The following FAM174A variants were observed in gnomAD, a reference collection of about 807,000 sequenced individuals.
FAM174A encodes the protein family with sequence similarity 174 member A.
Under a neutral mutation model 14.3 loss-of-function variants are expected in FAM174A, and 14 were observed. That is an observed-to-expected ratio of 0.98 (90% CI 0.65 to 1.53). The LOEUF is 1.53. FAM174A is among the 40% of genes most tolerant of loss of function. The pLI, the probability that FAM174A is intolerant of heterozygous loss-of-function variation, is 0.00. For missense variants in FAM174A, 241 were observed against 249.6 expected (o/e 0.97, Z 0.23); for synonymous variants, 108 against 111.4 (o/e 0.97, Z 0.19).
Position 100,565,330 on chromosome 5 carries a change from A to G in FAM174A, c.569+3142A>G, listed in dbSNP as rs1051858315. The stretch of plus-strand genomic sequence containing the variant: ...CACATAGACAAATGAGGTTGCATCA[A>G]ACTAAAATGCTTCTGCACAGCCAAG... On this transcript the variant is annotated intron_variant, in intron 2 of 2. Coordinates refer to ENST00000312637, the MANE Select transcript of FAM174A (RefSeq NM_198507.3). Among the ~76,000 whole-genome samples the G allele has an allele frequency of 2.0e-5, 3 of 152,066 alleles. No individual in the cohort carries two copies. In the East Asian group the frequency reaches 5.8e-4, roughly 29 times the overall value.
chr5:100,559,300 G>C (rs1391136901), intron 1 of FAM174A, among the ~76,000 whole-genome samples: 1 of 152,138 alleles, frequency 6.6e-6, no homozygotes, highest in Non-Finnish European at 1.5e-5. Flanking sequence ...TTTCTGCCAA[G>C]AGATCAGCTG....
intron 2 of FAM174A, among the ~76,000 whole-genome samples, chr5:100,578,102 G>A (rs1746937609): frequency 6.6e-6 from 1 of 152,110 alleles, no homozygotes; most frequent in Non-Finnish European, 1.5e-5. Flanking sequence ...TATAACCAGA[G>A]TAGCATTTTT....
chr5:100,574,719 AG>A (rs1462632599), intron 2 of FAM174A, among the ~76,000 whole-genome samples: 2 of 151,532 alleles, frequency 1.3e-5, no homozygotes, highest in Non-Finnish European at 2.9e-5. Flanking sequence ...ACCAGGGAGG[AG>A]GGGGCGGGGA....
intron 1 of FAM174A, among the ~76,000 whole-genome samples, chr5:100,543,733 G>A (rs994888803): frequency 6.6e-6 from 1 of 151,994 alleles, no homozygotes; most frequent in Non-Finnish European, 1.5e-5. Flanking sequence ...TGGGACTACC[G>A]GCCATCATTT....
chr5:100,586,242 T>C lies in FAM174A; in HGVS notation c.*58T>C. ...TCTACAATGAAGAGTGGAATTTCTATGTTTAAGGAATAAGAAGCCACTATA... is the reference window on the plus strand; with the variant it reads ...TCTACAATGAAGAGTGGAATTTCTACGTTTAAGGAATAAGAAGCCACTATA... On this transcript the variant is annotated 3_prime_UTR_variant, in exon 3 of 3. Coordinates refer to ENST00000312637, the MANE Select transcript of FAM174A (RefSeq NM_198507.3). The C allele has an allele frequency of 7.8e-7, 1 of 1,277,432 alleles. No homozygotes were observed. Among genetic ancestry groups the C allele is most frequent in the Non-Finnish European group, 1.1e-6 (1 of 913,050 alleles). The allele number at this position is 1,277,432 out of a possible 1,614,324, so 79.1% of individuals were successfully genotyped here.
At position 100,535,731 on chromosome 5, in the gene FAM174A, C is replaced by T. The variant is rs375162382; in HGVS notation, c.201C>T (p.Gly67=). ...GCCCTACCCCTGCCCAGCAGCCGGG[C>T]CGTGGTCTGGCTGAAGCTGCGGGGC... The part of the protein sequence containing the change: ...PPGPTPAQQP[G]RGLAEAAGPR... Residue 67 remains glycine, a synonymous_variant, in exon 1 of 3, where the codon GGC becomes GGT. Coordinates refer to ENST00000312637, the MANE Select transcript of FAM174A (RefSeq NM_198507.3). 73 of 1,604,646 alleles carry T rather than the reference C, an allele frequency of 4.5e-5. No individual in the cohort carries two copies. Among genetic ancestry groups the T allele is most frequent in the Non-Finnish European group, 6.0e-5 (71 of 1,177,144 alleles).
intron 2 of FAM174A, among the ~76,000 whole-genome samples, chr5:100,579,240 A>T (rs1746959265): frequency 6.6e-6 from 1 of 152,188 alleles, no homozygotes; most frequent in African/African-American, 2.4e-5. Flanking sequence ...TTGTCAATTC[A>T]GGATGTAAAT....
Position 100,535,460 on chromosome 5 carries a change from C to G in FAM174A, c.-71C>G. 6.5e-7 allele frequency: 1 copy of G among 1,547,834 alleles called. No individual in the cohort carries two copies. Among genetic ancestry groups the G allele is most frequent in the Non-Finnish European group, 8.8e-7 (1 of 1,131,782 alleles). On this transcript the variant is annotated 5_prime_UTR_variant, in exon 1 of 3. Coordinates refer to ENST00000312637, the MANE Select transcript of FAM174A (RefSeq NM_198507.3). The stretch of plus-strand genomic sequence containing the variant: ...ACCTCTGCTTCATTCTCCACCGCGC[C>G]TATGGTCCCTCTTGGAGCCAGCGTG...
intron 2 of FAM174A, among the ~76,000 whole-genome samples, chr5:100,563,314 C>G (rs1746566669): frequency 6.6e-6 from 1 of 151,356 alleles, no homozygotes; most frequent in South Asian, 2.1e-4. Context: ...ACTGATATTC[C>G]ATGCAAATGG....
intron 1 of FAM174A, among the ~76,000 whole-genome samples, chr5:100,557,996 C>A (rs1488258228): frequency 1.3e-5 from 2 of 152,106 alleles, no homozygotes; most frequent in African/African-American, 4.8e-5. Flanking sequence ...AATGTGTTTA[C>A]TCTTGCTTCT....
In FAM174A at chr5:100,535,736, G is replaced by A. The variant is rs779426117; in HGVS notation, c.206G>A (p.Gly69Asp). Residue 69 changes from glycine (G) to aspartate (D), a missense_variant, in exon 1 of 3, where the codon GGT (glycine) becomes GAT (aspartate). Transcript: ENST00000312637. ...ACCCCTGCCCAGCAGCCGGGCCGTG[G>A]TCTGGCTGAAGCTGCGGGGCCGCGG... ...GPTPAQQPGR[G>D]LAEAAGPRGS... 6 of 1,604,656 alleles carry A rather than the reference G, an allele frequency of 3.7e-6. No individual in the cohort carries two copies. Among genetic ancestry groups the A allele is most frequent in the East Asian group, 2.2e-5 (1 of 44,770 alleles).
chr5:100,566,141 G>GATAGATATATAT (rs558236562), intron 2 of FAM174A, among the ~76,000 whole-genome samples: 1,264 of 81,772 alleles, frequency 0.015, 59 homozygotes, highest in Admixed American at 0.033. Flanking sequence ...TGAAAAGTAT[G>GATAGATATATAT]ATATATATAT....
At chr5:100,556,130 G>A in intron 1 of FAM174A, among the ~76,000 whole-genome samples, 1 of 152,174 alleles carries the variant, frequency 6.6e-6, no homozygotes, top group East Asian at 1.9e-4. Context: ...TAAGGTGTAA[G>A]GAAGGGATCC....
chr5:100,548,340 T>C (rs1459553590), intron 1 of FAM174A, among the ~76,000 whole-genome samples: 1 of 152,068 alleles, frequency 6.6e-6, no homozygotes, highest in East Asian at 1.9e-4. Flanking sequence ...GAGAGATTCA[T>C]CAGAACAACA....
intron 1 of FAM174A, among the ~76,000 whole-genome samples, chr5:100,553,971 C>T (rs967551814): frequency 6.6e-6 from 1 of 152,144 alleles, no homozygotes; most frequent in Non-Finnish European, 1.5e-5. Context: ...GACTAGCCAA[C>T]ATGTCTTGTG....
intron 1 of FAM174A, among the ~76,000 whole-genome samples, chr5:100,558,566 G>A (rs1425514622): frequency 3.3e-5 from 5 of 151,810 alleles, no homozygotes; most frequent in Non-Finnish European, 7.4e-5. Context: ...TTATTGTGTG[G>A]GAGTCTAGGT....
rs932556686 is a variant in FAM174A at position 100,544,961 on chromosome 5, G to A, written c.434+8997G>A. Among the ~76,000 whole-genome samples the A allele has an allele frequency of 2.6e-5, 4 of 152,230 alleles. No individual in the cohort carries two copies. In the South Asian group the frequency reaches 8.3e-4, roughly 31 times the overall value. On this transcript the variant is annotated intron_variant, in intron 1 of 2. Transcript: ENST00000312637. ...GTATCTACCAATACACTCTACCAGT[G>A]TTTCTGGACCCATTGCTACAGCAAG...
chr5:100,550,597 A>T (rs1054896997), intron 1 of FAM174A, among the ~76,000 whole-genome samples: 6 of 152,192 alleles, frequency 3.9e-5, no homozygotes, highest in African/African-American at 1.2e-4. Flanking sequence ...GCTCTCATGG[A>T]ATCAAATGTC....
intron 2 of FAM174A, among the ~76,000 whole-genome samples, chr5:100,581,758 T>C (rs1747021801): frequency 6.6e-6 from 1 of 152,146 alleles, no homozygotes; most frequent in Non-Finnish European, 1.5e-5. Context: ...ACATCCAGAA[T>C]AGAATTCTGA....
Sources: gnomAD v4.1 joint callset for allele counts (sites outside exome capture counted in the v4.1 genomes callset) on GRCh38, gnomAD v4.1.1 for gene constraint, MANE v1.5 for transcripts, NCBI Gene and HGNC (gene_info 2026-07-23, HGNC 2026-07-21) for gene names.